The following CNTNAP2 variants were observed in gnomAD, a reference collection of about 807,000 sequenced individuals.
CNTNAP2 encodes contactin-associated protein-like 2.
CNTNAP2 carries 98 observed loss-of-function variants against 155.2 expected under a neutral mutation model. That is an observed-to-expected ratio of 0.63 (90% CI 0.54 to 0.75). CNTNAP2 has a LOEUF of 0.75. Among genes scored for constraint, CNTNAP2 ranks in the 30% least tolerant of loss-of-function variants. The pLI, the probability that CNTNAP2 is intolerant of heterozygous loss-of-function variation, is 0.00. For synonymous variants in CNTNAP2, 651 were observed against 631.2 expected (o/e 1.03, Z -0.47); for missense variants, 1,727 against 1,688.1 (o/e 1.02, Z -0.40).
chr7:146,636,314 A>C (rs1799599107), intron 1 of CNTNAP2, among the ~76,000 whole-genome samples: 1 of 152,130 alleles, frequency 6.6e-6, no homozygotes, highest in Admixed American at 6.5e-5. Context: ...ATGGCATGTA[A>C]GTTATATTTT....
At chr7:147,322,134 C>G (rs981595642) in intron 9 of CNTNAP2, among the ~76,000 whole-genome samples, 4 of 152,122 alleles carry the variant, frequency 2.6e-5, no homozygotes, top group African/African-American at 9.7e-5. Flanking sequence ...AAAAAAGCAT[C>G]AAAAGATATG....
At chr7:147,121,305 C>T in intron 6 of CNTNAP2, 142 bp downstream of exon 6, 1 of 769,124 alleles carries the variant, frequency 1.3e-6, no homozygotes, top group Non-Finnish European at 2.0e-6. Context: ...ATTTTAAAAA[C>T]CTGATTAATT....
At chr7:147,121,293 C>A (rs1176527643) in intron 6 of CNTNAP2, 130 bp downstream of exon 6, 2 of 869,266 alleles carry the variant, frequency 2.3e-6, no homozygotes, top group African/African-American at 1.7e-5. Flanking sequence ...AAGACACTGA[C>A]AATTTTAAAA....
At chr7:147,836,670 C>T (rs918931777) in intron 13 of CNTNAP2, among the ~76,000 whole-genome samples, 1 of 152,224 alleles carries the variant, frequency 6.6e-6, no homozygotes, top group African/African-American at 2.4e-5. Flanking sequence ...CTGTCACTCT[C>T]TGACGGCAGG....
At chr7:147,876,207 C>T (rs577427518) in intron 13 of CNTNAP2, among the ~76,000 whole-genome samples, 27 of 152,234 alleles carry the variant, frequency 1.8e-4, no homozygotes, top group African/African-American at 6.3e-4. Flanking sequence ...TCTCACGTCA[C>T]TTTCTTTTCT....
intron 14 of CNTNAP2, among the ~76,000 whole-genome samples, chr7:147,968,016 G>C (rs140441563): frequency 6.6e-6 from 1 of 152,094 alleles, no homozygotes; most frequent in African/African-American, 2.4e-5. Flanking sequence ...CATACGGGTA[G>C]CTATTTTAGA....
chr7:147,379,799 T>C, intron 9 of CNTNAP2, among the ~76,000 whole-genome samples: 1 of 152,054 alleles, frequency 6.6e-6, no homozygotes, highest in Non-Finnish European at 1.5e-5. Flanking sequence ...ACAGGTCTAT[T>C]ACTTGATTTC....
intron 13 of CNTNAP2, among the ~76,000 whole-genome samples, chr7:147,818,913 AAAT>A (rs1798318210): frequency 6.6e-6 from 1 of 152,162 alleles, no homozygotes; most frequent in South Asian, 2.1e-4. Flanking sequence ...CTTGATAGTA[AAAT>A]AATATCCTTC....
chr7:148,106,566 G>A (rs966150542), intron 15 of CNTNAP2, among the ~76,000 whole-genome samples: 7 of 142,430 alleles, frequency 4.9e-5, no homozygotes, highest in Admixed American at 2.8e-4. Flanking sequence ...TCACTATGTC[G>A]CCCAGGCTGG....
chr7:147,750,775 A>G (rs1797121014), intron 13 of CNTNAP2, among the ~76,000 whole-genome samples: 2 of 152,192 alleles, frequency 1.3e-5, no homozygotes, highest in African/African-American at 4.8e-5. Context: ...GCGGCGGCTC[A>G]TGCCTGTAAT....
intron 1 of CNTNAP2, among the ~76,000 whole-genome samples, chr7:146,401,296 T>A (rs1393684899): frequency 6.6e-6 from 1 of 152,116 alleles, no homozygotes; most frequent in Non-Finnish European, 1.5e-5. Flanking sequence ...AATCAGCATC[T>A]CATTTTTCAG....
intron 3 of CNTNAP2, among the ~76,000 whole-genome samples, chr7:146,943,264 G>C (rs1797092297): frequency 6.6e-6 from 1 of 152,214 alleles, no homozygotes; most frequent in Admixed American, 6.5e-5. Context: ...GGCCGAGGCA[G>C]GTGGTTCACC....
chr7:147,021,530 T>G (rs948138866), intron 3 of CNTNAP2, among the ~76,000 whole-genome samples: 2 of 152,184 alleles, frequency 1.3e-5, no homozygotes, highest in Non-Finnish European at 2.9e-5. Flanking sequence ...TTGTTTCTAA[T>G]AATTTGCTCT....
At chr7:146,350,044 G>A (rs1312410624) in intron 1 of CNTNAP2, among the ~76,000 whole-genome samples, 1 of 152,082 alleles carries the variant, frequency 6.6e-6, no homozygotes, top group Non-Finnish European at 1.5e-5. Flanking sequence ...AGTTCTTCTG[G>A]ATAATATCCT....
chr7:147,607,269 C>CAG (rs60869667), intron 12 of CNTNAP2, among the ~76,000 whole-genome samples: 103,590 of 151,584 alleles, frequency 0.68, 35,811 homozygotes, highest in African/African-American at 0.78. Flanking sequence ...GGTCAAGAAA[C>CAG]GGGACAGAAG....
chr7:148,101,964 C>CAA (rs1030116247), intron 15 of CNTNAP2, among the ~76,000 whole-genome samples: 6 of 152,114 alleles, frequency 3.9e-5, no homozygotes, highest in Non-Finnish European at 8.8e-5. Context: ...AAAAGAGGAC[C>CAA]AAAACTTCTA....
intron 1 of CNTNAP2, among the ~76,000 whole-genome samples, chr7:146,345,390 G>T (rs1414783974): frequency 1.3e-5 from 2 of 152,132 alleles, no homozygotes; most frequent in African/African-American, 4.8e-5. Context: ...ATTATACAAG[G>T]TTTGCTGACA....
chr7:146,523,069 T>C (rs1221637506), intron 1 of CNTNAP2, among the ~76,000 whole-genome samples: 1 of 152,006 alleles, frequency 6.6e-6, no homozygotes, highest in East Asian at 1.9e-4. Flanking sequence ...TAGTGGTGGT[T>C]TGTGGGATCC....
At chr7:146,677,934 A>G (rs372973412) in intron 1 of CNTNAP2, among the ~76,000 whole-genome samples, 8 of 152,060 alleles carry the variant, frequency 5.3e-5, no homozygotes, top group African/African-American at 1.9e-4. Flanking sequence ...TCCCACGCTC[A>G]TATCTCTCTG....
Sources: gnomAD v4.1 joint callset for allele counts (sites outside exome capture counted in the v4.1 genomes callset) on GRCh38, gnomAD v4.1.1 for gene constraint, MANE v1.5 for transcripts, NCBI Gene and HGNC (gene_info 2026-07-23, HGNC 2026-07-21) for gene names.